ANKRD36B: variants seen among roughly 807,000 people sequenced by gnomAD.
ANKRD36B encodes the protein ankyrin repeat domain-containing protein 36B.
A neutral mutation model predicts 135.7 loss-of-function variants in ANKRD36B; 37 were observed. The ratio of observed to expected loss-of-function variants is 0.27; its 90% CI spans 0.21 to 0.36. ANKRD36B has a LOEUF of 0.36. ANKRD36B is among the 10% of genes least tolerant of loss of function. ANKRD36B has a pLI of 1.00. For missense variants in ANKRD36B, 549 were observed against 1,037.1 expected (o/e 0.53, Z 6.46); for synonymous variants, 179 against 348.1 (o/e 0.51, Z 5.41).
chr2:97,580,974 G>T, intron 3 of ANKRD36B, among the ~76,000 whole-genome samples: 1 of 95,508 alleles, frequency 1.0e-5, no homozygotes, highest in Non-Finnish European at 1.9e-5. Flanking sequence ...TTTTATTAAT[G>T]ATCTAAATTA....
chr2:97,554,791 C>T (rs1182213371), intron 14 of ANKRD36B, among the ~76,000 whole-genome samples: 1 of 151,954 alleles, frequency 6.6e-6, no homozygotes. Flanking sequence ...CAAAATTATG[C>T]TGTCCCCTGA....
At position 97,548,188 on chromosome 2, in the gene ANKRD36B, C is replaced by A. The variant is rs1212224767; in HGVS notation, c.1478-457G>T. ...AAATTGCCCAATAACTGAGAAGGCA[C>A]ACAATTGCAATGATACTTCAGTTAA... On this transcript the variant is annotated intron_variant, in intron 20 of 43. Coordinates refer to ENST00000359901, the MANE Select transcript of ANKRD36B (RefSeq NM_001393939.1). Among the ~76,000 whole-genome samples the A allele has an allele frequency of 2.0e-4, 31 of 151,782 alleles. 1 individual carries two copies. Among genetic ancestry groups the A allele is most frequent in the African/African-American group, 2.4e-5 (1 of 41,422 alleles).
chr2:97,540,711 G>A lies in ANKRD36B; in HGVS notation c.1886-482C>T, dbSNP rs575076438. 1.1e-4 allele frequency among the ~76,000 whole-genome samples: 11 copies of A among 96,434 alleles called. 4 individuals are homozygous for A. The South Asian group carries it at 2.6e-3, about 23-fold the overall frequency. The allele number at this position is 96,434 out of a possible 152,430, so 63.3% of individuals were successfully genotyped here. ...ACACAATTACAATGACACTTCAGTT[G>A]AATGTACACTTCACGTCTCTTCAGT... On this transcript the variant is annotated intron_variant, in intron 28 of 43. Transcript: ENST00000359901.
rs532945084 is a variant in ANKRD36B at position 97,555,349 on chromosome 2, G to C, written c.1070-95C>G. Reference sequence around the variant, plus strand: ...TGTTAGCATCAAGCTGTATCTTCCTGCCTGTATTAGTATAGGCTTTGATTT... The same window carrying C: ...TGTTAGCATCAAGCTGTATCTTCCTCCCTGTATTAGTATAGGCTTTGATTT... On this transcript the variant is annotated intron_variant, in intron 12 of 43. Transcript: ENST00000359901. 1.1e-4 allele frequency: 169 copies of C among 1,541,426 alleles called. 1 individual carries two copies. In the South Asian group the frequency reaches 1.8e-3, roughly 17 times the overall value.
chr2:97,552,510 G>A (rs1490450969), intron 16 of ANKRD36B, among the ~76,000 whole-genome samples: 1 of 151,876 alleles, frequency 6.6e-6, no homozygotes, highest in African/African-American at 2.4e-5. Flanking sequence ...AAGGAGTAAT[G>A]AGTCAGTGTG....
intron 16 of ANKRD36B, 95 bp downstream of exon 16, chr2:97,553,073 G>GA (rs2080204772): frequency 7.0e-7 from 1 of 1,437,874 alleles, no homozygotes; most frequent in Non-Finnish European, 9.5e-7. Flanking sequence ...CAGCTTCAGC[G>GA]AGCCCCCCAC....
intron 16 of ANKRD36B, 56 bp downstream of exon 16, chr2:97,553,112 A>G (rs2080211476): frequency 2.5e-6 from 4 of 1,573,840 alleles, no homozygotes; most frequent in Middle Eastern, 2.1e-4. Flanking sequence ...TTAGGGGTAG[A>G]GAAGTTCGTT....
chr2:97,531,156 C>A, intron 35 of ANKRD36B, among the ~76,000 whole-genome samples: 1 of 90,930 alleles, frequency 1.1e-5, no homozygotes, highest in Non-Finnish European at 2.9e-5. Flanking sequence ...GGAACCAACC[C>A]AAATGTCCAA....
At position 97,525,605 on chromosome 2, in the gene ANKRD36B, C is replaced by A. The variant is rs577988521; in HGVS notation, c.2266-2138G>T. 3.9e-4 allele frequency among the ~76,000 whole-genome samples: 38 copies of A among 96,484 alleles called. 4 individuals are homozygous for A. Among genetic ancestry groups the A allele is most frequent in the African/African-American group, 1.2e-3 (38 of 32,122 alleles). The allele number at this position is 96,484 out of a possible 152,430, so 63.3% of individuals were successfully genotyped here. On this transcript the variant is annotated intron_variant, in intron 35 of 43. Coordinates refer to ENST00000359901, the MANE Select transcript of ANKRD36B (RefSeq NM_001393939.1). ...TGACCTGAGGGAGGGTGAGGCATTG[C>A]CTCACTCAGGAAGTGGAAGGGGTCA... is the stretch of plus-strand genomic sequence containing the variant.
chr2:97,584,913 T>C (rs1383857466), intron 3 of ANKRD36B, 31 bp downstream of exon 3: 233 of 1,444,392 alleles, frequency 1.6e-4, no homozygotes, highest in Non-Finnish European at 2.1e-4. Flanking sequence ...GCATTTCAGA[T>C]AGTTTGAAAA....
rs1221900251 is a variant in ANKRD36B, at chr2:97,549,142, C to G, written c.1477+277G>C. ...TGTAGAATTAAAGCAAAACTATGCTCTTCCCCAGAGCCCCTTATGTCTTCA... is the reference window on the plus strand; with the variant it reads ...TGTAGAATTAAAGCAAAACTATGCTGTTCCCCAGAGCCCCTTATGTCTTCA... On this transcript the variant is annotated intron_variant, in intron 20 of 43. Transcript: ENST00000359901. Among the ~76,000 whole-genome samples, 47 of 152,018 alleles carry G rather than the reference C, an allele frequency of 3.1e-4. 1 individual carries two copies. The highest frequency in any genetic ancestry group is 5.3e-4 in the Admixed American group (8 of 15,234).
intron 1 of ANKRD36B, among the ~76,000 whole-genome samples, chr2:97,588,297 C>T (rs2083168162): frequency 6.6e-6 from 1 of 151,848 alleles, no homozygotes; most frequent in African/African-American, 2.4e-5. Flanking sequence ...GAAATGTCAC[C>T]ATTATCCAAT....
intron 8 of ANKRD36B, among the ~76,000 whole-genome samples, chr2:97,560,101 A>G (rs1559191661): frequency 6.6e-6 from 1 of 151,904 alleles, no homozygotes; most frequent in Admixed American, 6.6e-5. Context: ...TTATGCAAAT[A>G]TTCCAAATGC....
chr2:97,530,763 C>G (rs1401633182), intron 35 of ANKRD36B, among the ~76,000 whole-genome samples: 3 of 97,630 alleles, frequency 3.1e-5, no homozygotes, highest in African/African-American at 9.2e-5. Context: ...ACAGACACTT[C>G]TCAAAAGAAG....
At chr2:97,573,045 T>C (rs9679339) in intron 6 of ANKRD36B, among the ~76,000 whole-genome samples, 73,015 of 151,594 alleles carry the variant, frequency 0.48, 21,186 homozygotes, top group Non-Finnish European at 0.66. Flanking sequence ...GTAGATCTCC[T>C]AATGCTATCC....
rs150020388 is a variant in ANKRD36B at position 97,585,517 on chromosome 2, C to T, written c.162-119G>A. ...GTGAAGAAAGTACAACATTTGTTAG[C>T]GCTTATTACTCACCACATTAATGAA... On this transcript the variant is annotated intron_variant, in intron 1 of 43. Transcript: ENST00000359901. 4.0e-3 allele frequency: 5,406 copies of T among 1,355,778 alleles called. 211 individuals are homozygous for T. The East Asian group carries it at 0.091, about 23-fold the overall frequency. 84.0% of individuals were successfully genotyped at this position (1,355,778 alleles called of 1,614,324 possible).
chr2:97,559,475 T>C (rs1454782107), intron 8 of ANKRD36B, among the ~76,000 whole-genome samples: 4 of 152,040 alleles, frequency 2.6e-5, no homozygotes, highest in Middle Eastern at 3.4e-3. Context: ...AAATGTACAC[T>C]TCACGTCTCT....
In ANKRD36B at chr2:97,523,398, C is replaced by T; in HGVS notation, c.2335G>A (p.Asp779Asn). 1 of 617,008 alleles carries T rather than the reference C, an allele frequency of 1.6e-6. No homozygotes were observed. Among genetic ancestry groups the T allele is most frequent in the South Asian group, 1.5e-5 (1 of 68,934 alleles). 38.2% of individuals were successfully genotyped at this position (617,008 alleles called of 1,614,324 possible). ...CAATTACAGCAAAGCGAGTCACCGT[C>T]CTCTGAGACTGTTTGAGATGACTGA... is the stretch of plus-strand genomic sequence containing the variant. ...IIQSSQTVSE[D>N]GDSLCCNCKN... Residue 779 changes from aspartate (D) to asparagine (N), a missense_variant, in exon 36 of 44, where the codon GAC (aspartate) becomes AAC (asparagine). By Grantham distance (23) the Asp-to-Asn change is conservative. Coordinates refer to ENST00000359901, the MANE Select transcript of ANKRD36B (RefSeq NM_001393939.1).
intron 6 of ANKRD36B, among the ~76,000 whole-genome samples, 197 bp from the exon 7 acceptor site, chr2:97,561,057 A>G (rs1264237226): frequency 6.6e-6 from 1 of 151,544 alleles, no homozygotes; most frequent in East Asian, 1.9e-4. Context: ...ACAGGCTTCA[A>G]GAAATATACA....
Sources: allele counts gnomAD v4.1 joint callset (sites outside exome capture counted in the v4.1 genomes callset), GRCh38; gene constraint gnomAD v4.1.1; transcripts MANE v1.5; gene names NCBI Gene and HGNC (gene_info 2026-07-23, HGNC 2026-07-21).